The following CACNB2 variants were observed in gnomAD, a reference collection of about 807,000 sequenced individuals.
CACNB2 encodes voltage-dependent L-type calcium channel subunit beta-2.
CACNB2 carries 42 observed loss-of-function variants against 73.3 expected under a neutral mutation model. The ratio of observed to expected loss-of-function variants is 0.57; its 90% CI spans 0.45 to 0.74. CACNB2 has a LOEUF of 0.74. Among genes scored for constraint, CACNB2 ranks in the 30% least tolerant of loss-of-function variants. CACNB2 has a pLI of 0.00. For synonymous variants in CACNB2, 348 were observed against 310.3 expected, an observed-to-expected ratio of 1.12 and a Z score of -1.28; for missense variants, 940 against 853.0, an observed-to-expected ratio of 1.10 and a Z score of -1.27.
chr10:18,159,373 T>G (rs984371342), intron 2 of CACNB2, among the ~76,000 whole-genome samples: 4 of 152,236 alleles, frequency 2.6e-5, no homozygotes, highest in African/African-American at 9.6e-5. Flanking sequence ...CAACTGTTTT[T>G]GGGATTTTCA....
intron 3 of CACNB2, among the ~76,000 whole-genome samples, chr10:18,402,376 C>CTA (rs1448565193): frequency 8.7e-6 from 1 of 115,040 alleles, no homozygotes; most frequent in Non-Finnish European, 1.7e-5. Context: ...CCACAGTAAA[C>CTA]TATATCTCTG....
At chr10:18,238,518 A>T (rs1234135167) in intron 2 of CACNB2, 1 of 152,216 alleles carries the variant, frequency 6.6e-6, no homozygotes, top group Non-Finnish European at 1.5e-5. Flanking sequence ...ATCCAATGTG[A>T]ACCTAAAAAT....
chr10:18,409,457 A>G (rs1332244501), intron 3 of CACNB2, among the ~76,000 whole-genome samples: 1 of 152,100 alleles, frequency 6.6e-6, no homozygotes, highest in Non-Finnish European at 1.5e-5. Context: ...TTCAGTTTTG[A>G]CCTGTCAAAC....
intron 2 of CACNB2, among the ~76,000 whole-genome samples, chr10:18,315,448 C>T (rs966497689): frequency 1.4e-5 from 2 of 139,408 alleles, no homozygotes; most frequent in African/African-American, 5.4e-5. Context: ...ATTGCTTGAG[C>T]CCAGGAGTTT....
At chr10:18,506,405 A>G (rs1367880832) in intron 5 of CACNB2, 66 bp from the exon 6 acceptor site, 2 of 822,066 alleles carry the variant, frequency 2.4e-6, no homozygotes, top group African/African-American at 3.3e-5. Flanking sequence ...TGTTTACTGA[A>G]TAATATAAAT....
intron 3 of CACNB2, among the ~76,000 whole-genome samples, chr10:18,461,026 T>A (rs749973302): frequency 3.3e-5 from 5 of 152,042 alleles, no homozygotes; most frequent in Admixed American, 1.3e-4. Flanking sequence ...GCCTCCTGGG[T>A]TCAAGCTATT....
chr10:18,143,526 T>C (rs1023412726), intron 1 of CACNB2, among the ~76,000 whole-genome samples: 3 of 152,252 alleles, frequency 2.0e-5, no homozygotes, highest in Non-Finnish European at 4.4e-5. Flanking sequence ...ATCTCCTTGC[T>C]TTCTCTGCCT....
At chr10:18,222,561 C>T (rs546643214) in intron 2 of CACNB2, among the ~76,000 whole-genome samples, 80 of 152,170 alleles carry the variant, frequency 5.3e-4, no homozygotes, top group African/African-American at 1.7e-3. Flanking sequence ...TAAGTAGTAC[C>T]GATCATTTAG....
chr10:18,233,778 G>A (rs2036317193), intron 2 of CACNB2, among the ~76,000 whole-genome samples: 1 of 152,020 alleles, frequency 6.6e-6, no homozygotes, highest in Non-Finnish European at 1.5e-5. Context: ...GGTAGTGTGG[G>A]GCACAAAAGA....
At chr10:18,400,581 T>G (rs1001616580) in intron 2 of CACNB2, 6 of 1,018,728 alleles carry the variant, frequency 5.9e-6, no homozygotes, top group Non-Finnish European at 7.1e-6. Context: ...CCTCGAGATC[T>G]CCAAAGATAA....
At chr10:18,187,632 C>G (rs2034212699) in intron 2 of CACNB2, among the ~76,000 whole-genome samples, 1 of 151,840 alleles carries the variant, frequency 6.6e-6, no homozygotes, top group Non-Finnish European at 1.5e-5. Flanking sequence ...AGGCATTTAA[C>G]TGTATTATAC....
intron 2 of CACNB2, among the ~76,000 whole-genome samples, chr10:18,181,401 G>A (rs1011029062): frequency 3.3e-5 from 5 of 152,038 alleles, no homozygotes; most frequent in East Asian, 1.9e-4. Context: ...ATGCAAGACT[G>A]TAGCCCTGGT....
In CACNB2 at chr10:18,309,036, A is replaced by T. The variant is rs2039855590; in HGVS notation, c.214-92888A>T. 3.3e-5 allele frequency among the ~76,000 whole-genome samples: 5 copies of T among 152,190 alleles called. No homozygotes were observed. The South Asian group carries it at 8.3e-4, about 25-fold the overall frequency. The stretch of plus-strand genomic sequence containing the variant: ...AAAAAAAACTTATTCCTCGGAAGTG[A>T]TGCTGTCCTTCTCCCCTCGTCGTTA... On this transcript the variant is annotated intron_variant, in intron 2 of 13. Coordinates refer to ENST00000324631, the MANE Select transcript of CACNB2 (RefSeq NM_201596.3).
intron 7 of CACNB2, 49 bp from the exon 8 acceptor site, chr10:18,518,285 TTA>T (rs756914926): frequency 8.1e-7 from 1 of 1,229,768 alleles, no homozygotes; most frequent in East Asian, 2.3e-5. Context: ...CACAAAATAT[TTA>T]TGTTCTACCT....
At chr10:18,229,855 C>T (rs541347325) in intron 2 of CACNB2, among the ~76,000 whole-genome samples, 44 of 152,082 alleles carry the variant, frequency 2.9e-4, no homozygotes, top group Admixed American at 2.4e-3. Context: ...AGATGTACTA[C>T]GGTAAAATTA....
At chr10:18,355,926 A>T (rs1239284387) in intron 2 of CACNB2, among the ~76,000 whole-genome samples, 4 of 152,128 alleles carry the variant, frequency 2.6e-5, no homozygotes, top group African/African-American at 9.6e-5. Context: ...GTGAGCCACC[A>T]TGCCCGGCCT....
chr10:18,501,648 A>G (rs1208233630), intron 5 of CACNB2, among the ~76,000 whole-genome samples: 1 of 152,228 alleles, frequency 6.6e-6, no homozygotes, highest in South Asian at 2.1e-4. Context: ...GCCTCTCCCA[A>G]TGTGAAAGGA....
intron 2 of CACNB2, among the ~76,000 whole-genome samples, chr10:18,372,344 A>T (rs1332191105): frequency 6.6e-6 from 1 of 152,132 alleles, no homozygotes; most frequent in African/African-American, 2.4e-5. Context: ...TAGGTCTAAC[A>T]TGTAAGTTTT....
chr10:18,317,197 C>T (rs975595373), intron 2 of CACNB2, among the ~76,000 whole-genome samples: 1 of 151,538 alleles, frequency 6.6e-6, no homozygotes, highest in African/African-American at 2.4e-5. Context: ...CTAATGACTT[C>T]CTTTTGGCCT....
Sources: allele counts gnomAD v4.1 joint callset (sites outside exome capture counted in the v4.1 genomes callset), GRCh38; gene constraint gnomAD v4.1.1; transcripts MANE v1.5; gene names NCBI Gene and HGNC (gene_info 2026-07-23, HGNC 2026-07-21).